The following RANBP2 variants were observed in gnomAD, a reference collection of about 807,000 sequenced individuals.
RANBP2 encodes RAN binding protein 2, also known as E3 SUMO-protein ligase RanBP2.
RANBP2 carries 57 observed loss-of-function variants against 303.6 expected under a neutral mutation model. The ratio of observed to expected loss-of-function variants is 0.19; its 90% CI spans 0.15 to 0.23. The LOEUF is 0.23. Ranked by LOEUF, RANBP2 falls within the 10% of genes least tolerant of loss-of-function variation. The pLI is 1.00. For synonymous variants in RANBP2, 1,167 were observed against 1,301.5 expected (o/e 0.90, Z 2.23); for missense variants, 3,138 against 3,780.8 (o/e 0.83, Z 4.46).
At chr2:109,520,598 CAAAAAAAAAAAAAAAAAAAA>C in the RANBP2 span, among the ~76,000 whole-genome samples, 1 of 50,100 alleles carries the variant, frequency 2.0e-5, no homozygotes, top group Non-Finnish European at 4.0e-5. Flanking sequence ...GACTCCATCT[CAAAAAAAAAAAAAAAAAAAA>C]AAAAAAGAAA....
At chr2:109,140,996 A>T in the RANBP2 span, among the ~76,000 whole-genome samples, 1 of 152,132 alleles carries the variant, frequency 6.6e-6, no homozygotes, top group Non-Finnish European at 1.5e-5. Flanking sequence ...AAGCATCCTG[A>T]CAACCAGACT....
the RANBP2 span, among the ~76,000 whole-genome samples, chr2:108,918,108 CG>C: frequency 6.6e-6 from 1 of 152,186 alleles, no homozygotes; most frequent in Non-Finnish European, 1.5e-5. Context: ...GAAAAGAGAG[CG>C]GTCTGGGCTG....
the RANBP2 span, among the ~76,000 whole-genome samples, chr2:108,999,928 T>C: frequency 1.3e-5 from 2 of 152,174 alleles, no homozygotes; most frequent in Non-Finnish European, 2.9e-5. Flanking sequence ...AATGTTTAGT[T>C]CAGTCCCATC....
At chr2:109,072,372 A>G in the RANBP2 span, among the ~76,000 whole-genome samples, 1 of 151,992 alleles carries the variant, frequency 6.6e-6, no homozygotes. Flanking sequence ...GGATGCACTC[A>G]CTCTCCAGGC....
the RANBP2 span, among the ~76,000 whole-genome samples, chr2:108,921,792 G>A: frequency 8.5e-5 from 13 of 152,210 alleles, no homozygotes; most frequent in African/African-American, 3.1e-4. Flanking sequence ...CTATCTGGCC[G>A]CATCTCCCCA....
the RANBP2 span, chr2:109,398,511 T>G: frequency 7.9e-7 from 1 of 1,258,598 alleles, no homozygotes; most frequent in South Asian, 1.5e-5. Flanking sequence ...AATGGAAATG[T>G]GGCCTGGAGA....
chr2:108,816,138 A>G, the RANBP2 span: 5 of 1,505,726 alleles, frequency 3.3e-6, no homozygotes, highest in Non-Finnish European at 4.6e-6. Flanking sequence ...TGTGATTCAG[A>G]ATATATGAAG....
chr2:109,760,411 GCGGCGGCGGCGGCGGCGGC>G, the RANBP2 span: 2 of 721,574 alleles, frequency 2.8e-6, no homozygotes, highest in Non-Finnish European at 1.7e-6. Flanking sequence ...GGCGGCGGCG[GCGGCGGCGGCGGCGGCGGC>G]GCAGGGCCGG....
the RANBP2 span, among the ~76,000 whole-genome samples, chr2:108,888,406 T>C: frequency 2.7e-3 from 412 of 152,226 alleles, 2 homozygotes; most frequent in Non-Finnish European, 3.2e-3. Context: ...GAGAATTCTC[T>C]TCTCTTCAAT....
chr2:108,980,751 C>T, the RANBP2 span, among the ~76,000 whole-genome samples: 5 of 152,030 alleles, frequency 3.3e-5, no homozygotes, highest in East Asian at 9.6e-4. Flanking sequence ...GGAACAAATG[C>T]GGCAGCCCTG....
chr2:109,573,134 T>G, the RANBP2 span, among the ~76,000 whole-genome samples: 7 of 152,148 alleles, frequency 4.6e-5, no homozygotes. Context: ...TTTAATTAAT[T>G]TTCATATCTG....
the RANBP2 span, among the ~76,000 whole-genome samples, chr2:109,213,952 G>A: frequency 2.6e-5 from 4 of 152,218 alleles, no homozygotes; most frequent in Non-Finnish European, 5.9e-5. Flanking sequence ...GCCCTCAGAG[G>A]CCTGGAGCAG....
chr2:109,358,086 C>A, the RANBP2 span, among the ~76,000 whole-genome samples: 1 of 152,308 alleles, frequency 6.6e-6, no homozygotes, highest in Admixed American at 6.5e-5. Flanking sequence ...AACCACTGAC[C>A]TTTGTACTGT....
chr2:108,852,622 G>A, the RANBP2 span, among the ~76,000 whole-genome samples: 1 of 152,272 alleles, frequency 6.6e-6, no homozygotes, highest in Admixed American at 6.5e-5. Flanking sequence ...GGACTTGGAG[G>A]CCGTTATCCT....
the RANBP2 span, among the ~76,000 whole-genome samples, chr2:108,931,598 A>G: frequency 2.0e-5 from 3 of 152,352 alleles, no homozygotes; most frequent in Admixed American, 1.3e-4. Context: ...GATTTGCCCC[A>G]GGTCACACAG....
At chr2:109,413,894 G>A in the RANBP2 span, among the ~76,000 whole-genome samples, 8 of 152,118 alleles carry the variant, frequency 5.3e-5, no homozygotes, top group South Asian at 1.0e-3. Context: ...ATCAAGAGGT[G>A]TAACTCCCCA....
the RANBP2 span, among the ~76,000 whole-genome samples, chr2:108,851,273 A>G: frequency 1.3e-5 from 2 of 151,838 alleles, no homozygotes; most frequent in African/African-American, 4.8e-5. Context: ...CTCTGAACCC[A>G]TTTCTCTGGG....
At chr2:109,496,779 A>G in the RANBP2 span, among the ~76,000 whole-genome samples, 1 of 107,948 alleles carries the variant, frequency 9.3e-6, no homozygotes, top group Non-Finnish European at 1.9e-5. Flanking sequence ...ATACATGGCA[A>G]AGAGAAATCA....
At chr2:108,890,251 T>C in the RANBP2 span, among the ~76,000 whole-genome samples, 83 of 63,572 alleles carry the variant, frequency 1.3e-3, no homozygotes, top group East Asian at 0.047. Context: ...TTTTTTTTTT[T>C]TTTTTTGTAA....
Sources: gnomAD v4.1 joint callset for allele counts (sites outside exome capture counted in the v4.1 genomes callset) on GRCh38, gnomAD v4.1.1 for gene constraint, MANE v1.5 for transcripts, NCBI Gene and HGNC (gene_info 2026-07-23, HGNC 2026-07-21) for gene names.